ZIM2: variants seen among roughly 807,000 people sequenced by gnomAD.
ZIM2 encodes zinc finger imprinted 2.
A neutral mutation model predicts 38.6 loss-of-function variants in ZIM2; 14 were observed. The ratio of observed to expected loss-of-function variants is 0.36; its 90% CI spans 0.24 to 0.57. The LOEUF is 0.57. Ranked by LOEUF, ZIM2 falls within the 20% of genes least tolerant of loss-of-function variation. The probability of loss-of-function intolerance (pLI) is 0.81; values close to 1 mark genes in which losing one functional copy is unlikely to be tolerated. For synonymous variants in ZIM2, 247 were observed against 245.8 expected, an observed-to-expected ratio of 1.00 and a Z score of -0.04; for missense variants, 680 against 695.1, an observed-to-expected ratio of 0.98 and a Z score of 0.24.
chr19:56,824,477 G>A (rs201258328), intron 3 of ZIM2, 50 bp from the exon 4 acceptor site: 25 of 1,613,904 alleles, frequency 1.5e-5, no homozygotes, highest in Middle Eastern at 3.3e-4. Flanking sequence ...GGTCTTCCGA[G>A]GCCCAACAAA....
intron 1 of ZIM2, among the ~76,000 whole-genome samples, chr19:56,839,243 G>T (rs2062640746): frequency 6.7e-6 from 1 of 149,416 alleles, no homozygotes; most frequent in South Asian, 2.1e-4. Flanking sequence ...CACCTGCGCA[G>T]CAAACTCCAG....
chr19:56,809,975 C>G (rs568762612), intron 9 of ZIM2: 1 of 187,036 alleles, frequency 5.3e-6, no homozygotes, highest in African/African-American at 2.4e-5. Flanking sequence ...ATTTGCAAAC[C>G]AAACTTTTTA....
Position 56,820,698 on chromosome 19 carries a change from ACT to A in ZIM2, c.294+951_294+952del, listed in dbSNP as rs541317734. Among the ~76,000 whole-genome samples, 264 of 152,324 alleles carry A rather than the reference ACT, an allele frequency of 1.7e-3. 1 individual carries two copies. The highest frequency in any genetic ancestry group is 2.9e-3 in the South Asian group (14 of 4,820). ...AGGCCCTTGTTACAATTTCTTGTTA[ACT>A]CTCTATTTTTCCTTGAGGACACTGA... On this transcript the variant is annotated intron_variant, in intron 7 of 12. Coordinates refer to ENST00000629319, the MANE Select transcript of ZIM2 (RefSeq NM_001387356.1).
intron 9 of ZIM2, chr19:56,810,104 T>C: frequency 1.1e-6 from 1 of 923,690 alleles, no homozygotes; most frequent in Non-Finnish European, 1.3e-6. Flanking sequence ...TTTATTTTTA[T>C]TGTTGACACT....
At chr19:56,833,098 A>C (rs2061730428) in intron 2 of ZIM2, 1 of 502,932 alleles carries the variant, frequency 2.0e-6, no homozygotes, top group African/African-American at 1.9e-5. Flanking sequence ...GAAAGAACAC[A>C]TCATGCACTA....
intron 2 of ZIM2, among the ~76,000 whole-genome samples, chr19:56,828,021 G>A (rs1010806025): frequency 6.6e-6 from 1 of 152,020 alleles, no homozygotes; most frequent in African/African-American, 2.4e-5. Flanking sequence ...ATTTTACCAT[G>A]AGCATGTATT....
chr19:56,802,318 C>T (rs927259999), intron 9 of ZIM2, among the ~76,000 whole-genome samples: 1 of 152,108 alleles, frequency 6.6e-6, no homozygotes, highest in Admixed American at 6.5e-5. Flanking sequence ...CCAAAATTGA[C>T]TATGGAAACG....
chr19:56,813,389 T>C (rs759045787), intron 9 of ZIM2: 89 of 1,208,670 alleles, frequency 7.4e-5, no homozygotes, highest in Non-Finnish European at 8.6e-5. Context: ...GCAAACTCTG[T>C]AGTCTGGAAT....
intron 10 of ZIM2, among the ~76,000 whole-genome samples, chr19:56,786,254 C>T (rs1179919620): frequency 6.6e-6 from 1 of 152,154 alleles, no homozygotes; most frequent in South Asian, 2.1e-4. Context: ...CAATTTTCTT[C>T]CCCTTGAAGG....
Position 56,774,733 on chromosome 19 carries a change from A to G in ZIM2, c.1632T>C (p.Tyr544=). The change falls in exon 13 of 13, where the codon TAT becomes TAC. Residue 544 remains tyrosine (Y), a synonymous_variant. Transcript: ENST00000629319. Reference sequence around the variant, plus strand: ...CAGTTTTCTCTTGAGAATGGAGTTGATAATGTTGAGTGAGGTATGAGGGTC... The same window carrying G: ...CAGTTTTCTCTTGAGAATGGAGTTGGTAATGTTGAGTGAGGTATGAGGGTC... ...FGRPSYLTQH[Y]QLHSQEKTVE... The G allele has an allele frequency of 6.2e-7, 1 of 1,614,160 alleles. No individual in the cohort carries two copies. Among genetic ancestry groups the G allele is most frequent in the Non-Finnish European group, 8.5e-7 (1 of 1,180,034 alleles).
At chr19:56,800,383 A>T (rs1265367129) in intron 9 of ZIM2, among the ~76,000 whole-genome samples, 1 of 152,200 alleles carries the variant, frequency 6.6e-6, no homozygotes, top group African/African-American at 2.4e-5. Context: ...GTTTCTAAAA[A>T]TTACAGAATG....
Position 56,813,704 on chromosome 19 carries a change from C to T in ZIM2, c.490+4042G>A, listed in dbSNP as rs139998398. 1.7e-4 allele frequency: 269 copies of T among 1,613,648 alleles called. No homozygotes were observed. Among genetic ancestry groups the T allele is most frequent in the Non-Finnish European group, 2.0e-4 (231 of 1,179,706 alleles). ...CCAGTGTGGGTATTCTGGTGTCTGG[C>T]GAGGGACAGGCGGTCATTGAAGAGC... On this transcript the variant is annotated intron_variant, in intron 9 of 12. Coordinates refer to ENST00000629319, the MANE Select transcript of ZIM2 (RefSeq NM_001387356.1).
intron 7 of ZIM2, among the ~76,000 whole-genome samples, chr19:56,819,345 T>C (rs1390207085): frequency 6.6e-6 from 1 of 152,242 alleles, no homozygotes; most frequent in African/African-American, 2.4e-5. Context: ...CCTGAGGGCA[T>C]TTTTATAATT....
At chr19:56,808,685 C>T (rs1458588556) in intron 9 of ZIM2, among the ~76,000 whole-genome samples, 1 of 152,056 alleles carries the variant, frequency 6.6e-6, no homozygotes, top group African/African-American at 2.4e-5. Context: ...TGTTCTGATC[C>T]CCAACAATTA....
chr19:56,784,431 T>G (rs796882722), intron 10 of ZIM2, among the ~76,000 whole-genome samples: 6 of 152,330 alleles, frequency 3.9e-5, no homozygotes, highest in African/African-American at 1.4e-4. Context: ...TGAATTTAGT[T>G]GTAGAAAAGG....
chr19:56,782,113 G>T lies in ZIM2; in HGVS notation c.579C>A (p.Asp193Glu). 6.2e-7 allele frequency: 1 copy of T among 1,613,718 alleles called. No individual in the cohort carries two copies. The highest frequency in any genetic ancestry group is 8.5e-7 in the Non-Finnish European group (1 of 1,179,698). The change falls in exon 11 of 13, where the codon GAC (aspartate) becomes GAA (glutamate). Residue 193 changes from aspartate to glutamate, a missense_variant. Coordinates refer to ENST00000629319, the MANE Select transcript of ZIM2 (RefSeq NM_001387356.1). The stretch of plus-strand genomic sequence containing the variant: ...CCAGAAATGTTCCTAAGTGTTTGAA[G>T]TCCGGGAACTATCCCAGAGAGAGGA... ...NLPSAGSQFP[D>E]FKHLGTFLVF...
intron 1 of ZIM2, among the ~76,000 whole-genome samples, chr19:56,837,250 C>T (rs1339525802): frequency 1.3e-5 from 2 of 151,900 alleles, no homozygotes; most frequent in Admixed American, 6.6e-5. Context: ...TGGGGCAGCC[C>T]CTTTAAACAC....
chr19:56,821,895 G>T, intron 6 of ZIM2, 141 bp from the exon 7 acceptor site: 2 of 871,914 alleles, frequency 2.3e-6, no homozygotes, highest in Non-Finnish European at 3.5e-6. Flanking sequence ...TTCTGTGGCA[G>T]CCTCTGAGGA....
chr19:56,833,344 ACT>A (rs1421307113), intron 2 of ZIM2: 1 of 369,688 alleles, frequency 2.7e-6, no homozygotes, highest in Non-Finnish European at 5.3e-6. Context: ...CGAGGAGGTT[ACT>A]CTCTTCGTCT....
Sources: gnomAD v4.1 joint callset for allele counts (sites outside exome capture counted in the v4.1 genomes callset) on GRCh38, gnomAD v4.1.1 for gene constraint, MANE v1.5 for transcripts, NCBI Gene and HGNC (gene_info 2026-07-23, HGNC 2026-07-21) for gene names.